OPCML: variants seen among roughly 807,000 people sequenced by gnomAD.
OPCML encodes opioid-binding protein/cell adhesion molecule.
A neutral mutation model predicts 37.8 loss-of-function variants in OPCML; 13 were observed. The observed-to-expected ratio is 0.34, with a 90% CI of 0.22 to 0.55. The LOEUF (loss-of-function observed/expected upper bound fraction) is 0.55. Among genes scored for constraint, OPCML ranks in the 20% least tolerant of loss-of-function variants. The probability of loss-of-function intolerance (pLI) is 0.91; values close to 1 mark genes in which losing one functional copy is unlikely to be tolerated. For synonymous variants in OPCML, 176 were observed against 168.8 expected (o/e 1.04, Z -0.33); for missense variants, 341 against 435.6 (o/e 0.78, Z 1.93).
At chr11:132,936,693 T>C (rs1193284549) in intron 2 of OPCML, among the ~76,000 whole-genome samples, 1 of 152,134 alleles carries the variant, frequency 6.6e-6, no homozygotes, top group Non-Finnish European at 1.5e-5. Flanking sequence ...GCAGCCTAGA[T>C]ATCACAGCTT....
At chr11:132,818,671 A>G (rs1013869512) in intron 2 of OPCML, among the ~76,000 whole-genome samples, 6 of 19,620 alleles carry the variant, frequency 3.1e-4, no homozygotes, top group Non-Finnish European at 5.0e-4. Flanking sequence ...GACAGATTAT[A>G]TTATATATAA....
intron 2 of OPCML, among the ~76,000 whole-genome samples, chr11:132,765,103 A>AGAT (rs1182682123): frequency 6.6e-6 from 1 of 152,166 alleles, no homozygotes; most frequent in African/African-American, 2.4e-5. Flanking sequence ...CACAGGATCT[A>AGAT]GATATGATGA....
chr11:133,153,008 TCC>T (rs781184964), intron 1 of OPCML, among the ~76,000 whole-genome samples: 1 of 152,122 alleles, frequency 6.6e-6, no homozygotes, highest in Non-Finnish European at 1.5e-5. Context: ...GGCTGTGTGT[TCC>T]ACGGGGTGAC....
At chr11:133,182,760 C>A (rs956512901) in intron 1 of OPCML, among the ~76,000 whole-genome samples, 5 of 152,142 alleles carry the variant, frequency 3.3e-5, no homozygotes, top group Non-Finnish European at 7.3e-5. Context: ...ATGAGTTTCG[C>A]AAGGCTTCAT....
chr11:133,053,667 A>G (rs1000901748), intron 1 of OPCML, among the ~76,000 whole-genome samples: 2 of 152,188 alleles, frequency 1.3e-5, no homozygotes, highest in African/African-American at 4.8e-5. Context: ...CTGGGAAAGC[A>G]CGCTCCAGGC....
intron 1 of OPCML, among the ~76,000 whole-genome samples, chr11:133,520,200 T>A (rs1459096802): frequency 1.3e-5 from 2 of 152,028 alleles, no homozygotes; most frequent in East Asian, 3.9e-4. Context: ...GAAGACAGCC[T>A]GGTAACACAG....
chr11:132,416,343 G>T lies in OPCML; in HGVS notation c.*3850C>A, dbSNP rs1164900927. Reference sequence around the variant, plus strand: ...AAGCCATTCCTCCCCTCCTACCATGGGCTGGCGACAGCCAACCAGCACTTG... The same window carrying T: ...AAGCCATTCCTCCCCTCCTACCATGTGCTGGCGACAGCCAACCAGCACTTG... On this transcript the variant is annotated 3_prime_UTR_variant, in exon 8 of 8. Coordinates refer to ENST00000524381, the MANE Select transcript of OPCML (RefSeq NM_001012393.5). 4 of 152,100 alleles carry T rather than the reference G, an allele frequency of 2.6e-5. No homozygotes were observed. Among genetic ancestry groups the T allele is most frequent in the Admixed American group, 6.6e-5 (1 of 15,260 alleles). The allele number at this position is 152,100 out of a possible 1,614,324, so 9.4% of individuals were successfully genotyped here.
chr11:132,608,763 T>C (rs1453575679), intron 3 of OPCML, among the ~76,000 whole-genome samples: 2 of 152,182 alleles, frequency 1.3e-5, no homozygotes, highest in Admixed American at 6.5e-5. Flanking sequence ...AAGGGCTGCC[T>C]GGCATTCAGT....
chr11:133,062,472 C>A (rs892845361), intron 1 of OPCML, among the ~76,000 whole-genome samples: 3 of 152,178 alleles, frequency 2.0e-5, no homozygotes, highest in African/African-American at 7.2e-5. Context: ...CAAATGATAT[C>A]ATTTAATAGA....
chr11:132,744,975 G>A (rs925383339), intron 2 of OPCML, among the ~76,000 whole-genome samples: 3 of 151,858 alleles, frequency 2.0e-5, no homozygotes, highest in Admixed American at 6.5e-5. Flanking sequence ...CTAAATATTC[G>A]GGATATAGCA....
At chr11:133,233,734 G>C (rs1196714438) in intron 1 of OPCML, among the ~76,000 whole-genome samples, 5 of 152,092 alleles carry the variant, frequency 3.3e-5, no homozygotes, top group African/African-American at 9.7e-5. Context: ...TGAAGCCCCT[G>C]CCCGTAAAAA....
At chr11:132,822,936 C>T (rs541436295) in intron 2 of OPCML, among the ~76,000 whole-genome samples, 1 of 152,234 alleles carries the variant, frequency 6.6e-6, no homozygotes, top group Non-Finnish European at 1.5e-5. Context: ...TAATCATATC[C>T]ACCTCATGTA....
chr11:132,942,913 G>A lies in OPCML; in HGVS notation c.146+13C>T. The A allele has an allele frequency of 6.2e-7, 1 of 1,613,926 alleles. No homozygotes were observed. The highest frequency in any genetic ancestry group is 8.5e-7 in the Non-Finnish European group (1 of 1,179,858). On this transcript the variant is annotated intron_variant, in intron 2 of 7. Transcript: ENST00000524381. ...CCCAGGGGCTCGGCCCCCGCGGAAG[G>A]ACAGCTCCCTACCTGAGGGTGGCGC...
intron 2 of OPCML, among the ~76,000 whole-genome samples, chr11:132,938,525 T>C (rs569513617): frequency 1.8e-4 from 27 of 152,348 alleles, no homozygotes; most frequent in Admixed American, 5.2e-4. Flanking sequence ...TTAGTACCAG[T>C]AATAACTTGC....
At chr11:132,784,435 C>T (rs541761833) in intron 2 of OPCML, among the ~76,000 whole-genome samples, 1 of 152,214 alleles carries the variant, frequency 6.6e-6, no homozygotes, top group African/African-American at 2.4e-5. Context: ...TCCCTCTTTC[C>T]ATTATAAAGC....
intron 4 of OPCML, among the ~76,000 whole-genome samples, chr11:132,490,884 G>T (rs1479039782): frequency 2.0e-5 from 3 of 151,124 alleles, no homozygotes; most frequent in African/African-American, 7.3e-5. Context: ...TTTCACGTTT[G>T]TCCTGTATAT....
At chr11:132,715,876 C>T (rs999903112) in intron 2 of OPCML, among the ~76,000 whole-genome samples, 4 of 152,058 alleles carry the variant, frequency 2.6e-5, no homozygotes, top group Admixed American at 6.5e-5. Flanking sequence ...AATTAGTGGT[C>T]GGAATAGAGG....
chr11:132,895,693 G>A (rs1020142514), intron 2 of OPCML, among the ~76,000 whole-genome samples: 1 of 152,134 alleles, frequency 6.6e-6, no homozygotes, highest in African/African-American at 2.4e-5. Flanking sequence ...CAATAGTATA[G>A]GGTTTTCCAT....
At chr11:133,084,309 C>T (rs1948786497) in intron 1 of OPCML, among the ~76,000 whole-genome samples, 1 of 152,208 alleles carries the variant, frequency 6.6e-6, no homozygotes, top group Non-Finnish European at 1.5e-5. Context: ...ACTCCATAAA[C>T]ATCATTTGGT....
Sources: allele counts gnomAD v4.1 joint callset (sites outside exome capture counted in the v4.1 genomes callset), GRCh38; gene constraint gnomAD v4.1.1; transcripts MANE v1.5; gene names NCBI Gene and HGNC (gene_info 2026-07-23, HGNC 2026-07-21).